NAALADL2: variants seen among roughly 807,000 people sequenced by gnomAD.
NAALADL2 encodes the protein inactive N-acetylated-alpha-linked acidic dipeptidase-like protein 2.
NAALADL2 carries 76 observed loss-of-function variants against 87.2 expected under a neutral mutation model. The observed-to-expected ratio is 0.87, with a 90% confidence interval of 0.72 to 1.05. NAALADL2 has a LOEUF of 1.05. NAALADL2 is among the 50% of genes least tolerant of loss of function. The probability of loss-of-function intolerance (pLI) is 0.00; values close to 1 mark genes in which losing one functional copy is unlikely to be tolerated. For synonymous variants in NAALADL2, 354 were observed against 331.0 expected (o/e 1.07, Z -0.75); for missense variants, 1,089 against 945.8 (o/e 1.15, Z -1.99).
At chr3:175,093,414 T>TA (rs1553771396) in intron 1 of NAALADL2, among the ~76,000 whole-genome samples, 121 of 117,732 alleles carry the variant, frequency 1.0e-3, no homozygotes, top group Admixed American at 1.7e-3. Flanking sequence ...CATTTTATTT[T>TA]TTTATATATA....
chr3:174,853,807 T>G (rs1036877542), intron 3 of NAALADL2, among the ~76,000 whole-genome samples: 1 of 152,162 alleles, frequency 6.6e-6, no homozygotes, highest in Non-Finnish European at 1.5e-5. Context: ...ATCAGAGATA[T>G]GCAAATCAAA....
chr3:175,077,161 G>C (rs888800200), intron 1 of NAALADL2, among the ~76,000 whole-genome samples: 1 of 152,150 alleles, frequency 6.6e-6, no homozygotes, highest in Non-Finnish European at 1.5e-5. Context: ...TTTTTCAAAT[G>C]ACAAGCCTAG....
intron 2 of NAALADL2, among the ~76,000 whole-genome samples, chr3:174,679,236 C>T (rs980313788): frequency 7.2e-5 from 11 of 152,240 alleles, no homozygotes; most frequent in African/African-American, 2.6e-4. Context: ...GTCCTTGTCT[C>T]TCTGTGCACT....
rs1720862652 is a variant in NAALADL2 at position 175,447,306 on chromosome 3, C to T, written c.1168C>T (p.Leu390=). Residue 390 remains leucine (L), a synonymous_variant, in exon 6 of 14, where the codon CTG becomes TTG. Coordinates refer to ENST00000454872, the MANE Select transcript of NAALADL2 (RefSeq NM_207015.3). ...QPISAPLVAK[L]ISSPKARTKN... is the part of the protein sequence containing the mutation. ...CATCTCTGCACCCCTCGTTGCAAAA[C>T]TGATCTCTTCGCCAAAAGCTAGAAC... 6.2e-7 allele frequency: 1 copy of T among 1,605,656 alleles called. No homozygotes were observed. Among genetic ancestry groups the T allele is most frequent in the African/African-American group, 1.3e-5 (1 of 74,834 alleles).
At chr3:175,206,828 A>G (rs1472538774) in intron 2 of NAALADL2, among the ~76,000 whole-genome samples, 1 of 152,172 alleles carries the variant, frequency 6.6e-6, no homozygotes, top group Non-Finnish European at 1.5e-5. Flanking sequence ...TAATCCTTCC[A>G]ATCTGTTTAG....
At chr3:175,417,962 T>A (rs889044238) in intron 5 of NAALADL2, among the ~76,000 whole-genome samples, 2 of 152,012 alleles carry the variant, frequency 1.3e-5, no homozygotes, top group Admixed American at 6.6e-5. Context: ...TTGATTGACA[T>A]TGGGAATGGT....
intron 2 of NAALADL2, among the ~76,000 whole-genome samples, chr3:174,730,430 A>C (rs1031170204): frequency 6.6e-6 from 1 of 152,246 alleles, no homozygotes; most frequent in Non-Finnish European, 1.5e-5. Flanking sequence ...TTTTCCATTT[A>C]TGCTGTTACA....
rs1734992475 is a variant in NAALADL2, at chr3:175,172,497, G to C, written c.546-61434G>C. Among the ~76,000 whole-genome samples, 3 of 152,064 alleles carry C rather than the reference G, an allele frequency of 2.0e-5. No individual in the cohort carries two copies. The South Asian group carries it at 6.2e-4, about 31-fold the overall frequency. ...CTTCAGTGCTTAATGTCTTATACCA[G>C]TGTTCAAAAGAACTATAAATATCTG... On this transcript the variant is annotated intron_variant, in intron 2 of 13. Coordinates refer to ENST00000454872, the MANE Select transcript of NAALADL2 (RefSeq NM_207015.3).
chr3:174,586,551 G>T (rs1024389613), intron 2 of NAALADL2, among the ~76,000 whole-genome samples: 2 of 152,168 alleles, frequency 1.3e-5, no homozygotes, highest in Non-Finnish European at 2.9e-5. Flanking sequence ...TAGCAGAACT[G>T]CTGATGCCTT....
At chr3:174,543,578 T>G (rs1722457318) in intron 1 of NAALADL2, among the ~76,000 whole-genome samples, 1 of 151,978 alleles carries the variant, frequency 6.6e-6, no homozygotes. Context: ...TCTCCCTACT[T>G]CAGCCCATTT....
intron 11 of NAALADL2, among the ~76,000 whole-genome samples, chr3:175,661,906 A>G (rs530236671): frequency 1.3e-5 from 2 of 152,104 alleles, no homozygotes; most frequent in East Asian, 3.9e-4. Flanking sequence ...ATTTAGTAGT[A>G]ATCTTTGAAG....
chr3:175,345,826 C>T, intron 5 of NAALADL2, among the ~76,000 whole-genome samples: 1 of 152,064 alleles, frequency 6.6e-6, no homozygotes, highest in East Asian at 1.9e-4. Context: ...TTGAGGCTTG[C>T]AAAATGATAG....
intron 13 of NAALADL2, among the ~76,000 whole-genome samples, chr3:175,800,706 A>G (rs986722044): frequency 5.3e-5 from 8 of 152,178 alleles, no homozygotes; most frequent in African/African-American, 1.9e-4. Flanking sequence ...CTGAGTTCCC[A>G]GCACTGAACT....
intron 1 of NAALADL2, among the ~76,000 whole-genome samples, chr3:174,913,145 T>C (rs989873394): frequency 2.0e-5 from 3 of 152,172 alleles, no homozygotes; most frequent in African/African-American, 4.8e-5. Context: ...TTATGACTTA[T>C]TGGTATGAAA....
At chr3:175,461,787 C>T (rs1294513067) in intron 6 of NAALADL2, among the ~76,000 whole-genome samples, 1 of 152,082 alleles carries the variant, frequency 6.6e-6, no homozygotes, top group Non-Finnish European at 1.5e-5. Context: ...CTATAAAGTT[C>T]ACTTATGTGG....
chr3:175,548,006 A>T (rs1713660289), intron 9 of NAALADL2, among the ~76,000 whole-genome samples: 1 of 152,136 alleles, frequency 6.6e-6, no homozygotes, highest in African/African-American at 2.4e-5. Context: ...TTCCTCAAAG[A>T]TCTAAAGATA....
chr3:174,852,552 A>G (rs988213007), intron 3 of NAALADL2, among the ~76,000 whole-genome samples: 4 of 152,176 alleles, frequency 2.6e-5, no homozygotes, highest in African/African-American at 9.6e-5. Flanking sequence ...CATTGATGAA[A>G]GAAATTGAAG....
intron 13 of NAALADL2, among the ~76,000 whole-genome samples, chr3:175,766,850 C>G (rs1229638084): frequency 6.6e-6 from 1 of 152,074 alleles, no homozygotes; most frequent in Non-Finnish European, 1.5e-5. Context: ...TTGCACTTGA[C>G]ATTTTCTAGA....
In NAALADL2 at chr3:175,803,153, T is replaced by G; in HGVS notation, c.2338T>G (p.Phe780Val). 1 of 1,612,178 alleles carries G rather than the reference T, an allele frequency of 6.2e-7. No individual in the cohort carries two copies. Among genetic ancestry groups the G allele is most frequent in the Non-Finnish European group, 8.5e-7 (1 of 1,178,870 alleles). Residue 780 changes from phenylalanine (F) to valine (V), a missense_variant, in exon 14 of 14, where the codon TTC becomes GTC. Physicochemically the swap from Phe to Val is conservative, Grantham distance 50. Transcript: ENST00000454872. ...LNSINSAQVY[F>V]KAGLDVFKSV... ...CAGCATTAATTCAGCTCAGGTTTAC[T>G]TCAAAGCAGGACTTGATGTGTTCAA...
Sources: allele counts gnomAD v4.1 joint callset (sites outside exome capture counted in the v4.1 genomes callset), GRCh38; gene constraint gnomAD v4.1.1; transcripts MANE v1.5; gene names NCBI Gene and HGNC (gene_info 2026-07-23, HGNC 2026-07-21).